Variants in CSMD1 observed in about 807,000 individuals in gnomAD.
The protein encoded by CSMD1 is CUB and Sushi multiple domains 1.
CSMD1 carries 213 observed loss-of-function variants against 417.5 expected under a neutral mutation model. The ratio of observed to expected loss-of-function variants is 0.51; its 90% confidence interval spans 0.46 to 0.57. The LOEUF (loss-of-function observed/expected upper bound fraction) is 0.57. Among genes scored for constraint, CSMD1 ranks in the 20% least tolerant of loss-of-function variants. The pLI is 0.00. For missense variants in CSMD1, 6,923 were observed against 4,529.7 expected (o/e 1.53, Z -15.17); for synonymous variants, 2,862 against 1,736.8 (o/e 1.65, Z -16.11).
intron 1 of CSMD1, among the ~76,000 whole-genome samples, chr8:4,643,048 T>A (rs528971435): frequency 2.6e-5 from 4 of 152,330 alleles, no homozygotes. Flanking sequence ...CTCTGGGGCC[T>A]GATATCATTT....
At chr8:4,719,434 G>A (rs1222413730) in intron 1 of CSMD1, among the ~76,000 whole-genome samples, 1 of 151,736 alleles carries the variant, frequency 6.6e-6, no homozygotes, top group Non-Finnish European at 1.5e-5. Flanking sequence ...ATCATTATAA[G>A]TCTCAGGCAT....
intron 3 of CSMD1, among the ~76,000 whole-genome samples, chr8:4,238,155 T>C (rs1375238219): frequency 1.3e-5 from 2 of 152,204 alleles, no homozygotes; most frequent in Non-Finnish European, 2.9e-5. Flanking sequence ...AGTCCAGTCC[T>C]GGAATCCCAA....
At chr8:3,641,688 G>C (rs1461368216) in intron 7 of CSMD1, among the ~76,000 whole-genome samples, 1 of 152,088 alleles carries the variant, frequency 6.6e-6, no homozygotes, top group African/African-American at 2.4e-5. Context: ...CAACAGAGGG[G>C]GCCAGGAGCT....
intron 2 of CSMD1, among the ~76,000 whole-genome samples, chr8:4,523,238 T>C (rs1321625188): frequency 1.3e-5 from 2 of 152,196 alleles, no homozygotes; most frequent in African/African-American, 2.4e-5. Flanking sequence ...GCAAGGGATA[T>C]AAAAACAAAC....
chr8:4,833,395 A>G (rs1800265589), intron 1 of CSMD1, among the ~76,000 whole-genome samples: 1 of 152,160 alleles, frequency 6.6e-6, no homozygotes, highest in Non-Finnish European at 1.5e-5. Flanking sequence ...AAGAGAACTC[A>G]CTGTCATGAG....
At chr8:3,631,330 C>T (rs1034013325) in intron 7 of CSMD1, among the ~76,000 whole-genome samples, 26 of 152,188 alleles carry the variant, frequency 1.7e-4, no homozygotes, top group African/African-American at 5.8e-4. Flanking sequence ...TGTTCTCATT[C>T]TGAGTCTGCA....
In CSMD1 at chr8:2,951,200, G is replaced by C. The variant is rs763379840; in HGVS notation, c.10115C>G (p.Thr3372Ser). The C allele has an allele frequency of 6.2e-7, 1 of 1,612,588 alleles. No homozygotes were observed. The highest frequency in any genetic ancestry group is 8.5e-7 in the Non-Finnish European group (1 of 1,179,248). Residue 3372 changes from threonine (T) to serine (S), a missense_variant, in exon 66 of 70, where the codon ACT (threonine) becomes AGT (serine). Transcript: ENST00000635120. The part of the protein sequence containing the change: ...YEYLGKRQPA[T>S]LTVDWFNATS... ...TGCATTGAACCAGTCAACAGTTAGA[G>C]TGGCGGGTTGTCTTTTCCCTAAATA...
chr8:4,663,513 G>T (rs184391158), intron 1 of CSMD1, among the ~76,000 whole-genome samples: 1 of 152,234 alleles, frequency 6.6e-6, no homozygotes, highest in Non-Finnish European at 1.5e-5. Context: ...TCCCCTTGCT[G>T]TTGTCCTGAT....
At chr8:4,105,104 T>C (rs780732240) in intron 3 of CSMD1, among the ~76,000 whole-genome samples, 7 of 152,220 alleles carry the variant, frequency 4.6e-5, no homozygotes, top group Non-Finnish European at 1.0e-4. Flanking sequence ...GGTTTTAATG[T>C]GTCCTTAGCT....
chr8:4,613,157 G>A (rs1461508960), intron 2 of CSMD1, among the ~76,000 whole-genome samples: 2 of 152,110 alleles, frequency 1.3e-5, no homozygotes, highest in African/African-American at 2.4e-5. Context: ...CTTCCCATAA[G>A]AGAACAAGAA....
chr8:3,906,626 C>CT (rs200562415), intron 5 of CSMD1, among the ~76,000 whole-genome samples: 18,534 of 139,756 alleles, frequency 0.13, 1,478 homozygotes, highest in African/African-American at 0.24. Context: ...CAAACCTAAG[C>CT]TTTTTTTTTT....
intron 4 of CSMD1, among the ~76,000 whole-genome samples, chr8:4,030,007 G>A (rs1261091001): frequency 6.6e-6 from 1 of 152,188 alleles, no homozygotes; most frequent in Non-Finnish European, 1.5e-5. Context: ...TCCAGGTCAT[G>A]CTGATGCAAG....
intron 17 of CSMD1, among the ~76,000 whole-genome samples, chr8:3,390,437 G>A (rs567232189): frequency 7.0e-6 from 1 of 142,390 alleles, no homozygotes; most frequent in Non-Finnish European, 1.5e-5. Flanking sequence ...GATAAACTAA[G>A]ACCAGTCTGT....
chr8:4,950,373 G>A (rs1052577621), intron 1 of CSMD1, among the ~76,000 whole-genome samples: 1 of 150,564 alleles, frequency 6.6e-6, no homozygotes, highest in Non-Finnish European at 1.5e-5. Flanking sequence ...TAAGTAGAGG[G>A]TTAATTCATA....
intron 2 of CSMD1, among the ~76,000 whole-genome samples, chr8:4,545,382 T>C (rs1797583172): frequency 6.6e-6 from 1 of 152,220 alleles, no homozygotes; most frequent in Non-Finnish European, 1.5e-5. Context: ...TATGGAGTTT[T>C]CAATCAATGA....
At chr8:3,752,951 A>G (rs1164356586) in intron 6 of CSMD1, among the ~76,000 whole-genome samples, 1 of 152,194 alleles carries the variant, frequency 6.6e-6, no homozygotes, top group Non-Finnish European at 1.5e-5. Flanking sequence ...TTGTTGAAAA[A>G]TTACTAAAAT....
At chr8:3,417,662 G>C (rs1004692482) in intron 12 of CSMD1, among the ~76,000 whole-genome samples, 17 of 152,154 alleles carry the variant, frequency 1.1e-4, no homozygotes, top group Non-Finnish European at 2.1e-4. Flanking sequence ...TGAAGAGAGA[G>C]TGAGTAAAAG....
chr8:4,139,235 G>A (rs1236295221), intron 3 of CSMD1, among the ~76,000 whole-genome samples: 2 of 152,184 alleles, frequency 1.3e-5, no homozygotes, highest in Non-Finnish European at 2.9e-5. Context: ...GTGCTTTAAA[G>A]GCGAATTTAG....
chr8:4,287,707 A>T lies in CSMD1; in HGVS notation c.415+132246T>A, dbSNP rs184017405. ...ATTACTACTACTTTGTAAGTGTATGAAAGAGAGGGTTAGCAAGTTACACAA... is the reference window on the plus strand; with the variant it reads ...ATTACTACTACTTTGTAAGTGTATGTAAGAGAGGGTTAGCAAGTTACACAA... On this transcript the variant is annotated intron_variant, in intron 3 of 69. Coordinates refer to ENST00000635120, the MANE Select transcript of CSMD1 (RefSeq NM_033225.6). Among the ~76,000 whole-genome samples, 12 of 148,716 alleles carry T rather than the reference A, an allele frequency of 8.1e-5. 1 individual carries two copies. Among genetic ancestry groups the T allele is most frequent in the African/African-American group, 2.9e-4 (12 of 41,006 alleles).
Sources: gnomAD v4.1 joint callset for allele counts (sites outside exome capture counted in the v4.1 genomes callset) on GRCh38, gnomAD v4.1.1 for gene constraint, MANE v1.5 for transcripts, NCBI Gene and HGNC (gene_info 2026-07-23, HGNC 2026-07-21) for gene names.